Variants in PI4KA observed in about 807,000 individuals in gnomAD.
The protein encoded by PI4KA is phosphatidylinositol 4-kinase alpha, also known as PI4-kinase alpha.
PI4KA carries 122 observed loss-of-function variants against 271.4 expected under a neutral mutation model. The observed-to-expected ratio is 0.45, with a 90% CI of 0.39 to 0.52. The LOEUF (loss-of-function observed/expected upper bound fraction) is 0.52, where lower values mean the gene tolerates loss of function less well. PI4KA is among the 20% of genes least tolerant of loss of function. The pLI is 0.00. For synonymous variants in PI4KA, 1,041 were observed against 1,078.8 expected, an observed-to-expected ratio of 0.96 and a Z score of 0.69; for missense variants, 1,969 against 2,769.1, an observed-to-expected ratio of 0.71 and a Z score of 6.48.
chr22:20,779,601 G>C, intron 19 of PI4KA: 1 of 1,614,108 alleles, frequency 6.2e-7, no homozygotes, highest in Non-Finnish European at 8.5e-7. Context: ...CGACATCGTC[G>C]ACAGTCTGTC....
Position 20,803,287 on chromosome 22 carries a change from C to G in PI4KA, c.1495G>C (p.Val499Leu). 1.2e-6 allele frequency: 2 copies of G among 1,614,136 alleles called. No homozygotes were observed. The highest frequency in any genetic ancestry group is 8.5e-7 in the Non-Finnish European group (1 of 1,179,976). ...LGRLCERFPV[V>L]VHSVTPSLRD... ...AAGGACGGTGTCACAGAGTGCACCACCACCGGGAACCTCTCGCACAGGCGG... is the reference window on the plus strand; with the variant it reads ...AAGGACGGTGTCACAGAGTGCACCAGCACCGGGAACCTCTCGCACAGGCGG... Residue 499 changes from valine (V) to leucine (L), a missense_variant, in exon 13 of 55, where the codon GTG (valine) becomes CTG (leucine). Physicochemically the swap from Val to Leu is conservative, Grantham distance 32. Around this residue, in one of 13 missense-constraint regions of PI4KA, gnomAD observed 228 missense variants for 261.6 expected, o/e 0.87. Coordinates refer to ENST00000255882, the MANE Select transcript of PI4KA (RefSeq NM_058004.4).
intron 8 of PI4KA, 54 bp downstream of exon 8, chr22:20,813,304 T>G (rs1921306065): frequency 7.3e-7 from 1 of 1,367,378 alleles, no homozygotes; most frequent in South Asian, 1.2e-5. Context: ...GTTTCACCAC[T>G]AGCAATTTTA....
intron 25 of PI4KA, among the ~76,000 whole-genome samples, chr22:20,752,691 G>A (rs951766878): frequency 2.0e-5 from 3 of 152,100 alleles, no homozygotes; most frequent in African/African-American, 4.8e-5. Context: ...AAGTAACATC[G>A]ATAGCTCAGA....
Position 20,805,089 on chromosome 22 carries a change from C to G in PI4KA, c.1245G>C (p.Gln415His). Residue 415 changes from glutamine to histidine, a missense_variant, in exon 11 of 55, where the codon CAG (glutamine) becomes CAC (histidine). Physicochemically the swap from Gln to His is conservative, Grantham distance 24. Transcript: ENST00000255882. Reference sequence around the variant, plus strand: ...TCCGGTCTGCGTCATGTAGAATCTTCTGGAGCTCCCCCTGGCTCGTGTTGA... The same window carrying G: ...TCCGGTCTGCGTCATGTAGAATCTTGTGGAGCTCCCCCTGGCTCGTGTTGA... ...EQFNTSQGELQKILHDADRIH... is the reference protein window; with the variant it reads ...EQFNTSQGELHKILHDADRIH... 1 of 1,614,176 alleles carries G rather than the reference C, an allele frequency of 6.2e-7. No individual in the cohort carries two copies. The highest frequency in any genetic ancestry group is 8.5e-7 in the Non-Finnish European group (1 of 1,179,992).
At chr22:20,749,183 T>C (rs1239443123) in intron 28 of PI4KA, among the ~76,000 whole-genome samples, 1 of 152,214 alleles carries the variant, frequency 6.6e-6, no homozygotes, top group Non-Finnish European at 1.5e-5. Context: ...CTCAGGGCTC[T>C]TGGAGCTGGC....
rs769380539 is a variant in PI4KA, at chr22:20,807,400, A to G, written c.1130T>C (p.Met377Thr). 1.6e-5 allele frequency: 26 copies of G among 1,613,460 alleles called. No homozygotes were observed. The highest frequency in any genetic ancestry group is 4.0e-5 in the African/African-American group (3 of 74,900). Residue 377 changes from methionine (M) to threonine (T), a missense_variant, in exon 10 of 55, where the codon ATG (methionine) becomes ACG (threonine). Transcript: ENST00000255882. ...TSFSDPLYLT[M>T]FKMLRDTLYY... is the part of the protein sequence containing the mutation. ...CAGAGTGTCACGCAGCATCTTGAACATGGTCAGGTAGAGAGGGTCACTGAA... is the reference window on the plus strand; with the variant it reads ...CAGAGTGTCACGCAGCATCTTGAACGTGGTCAGGTAGAGAGGGTCACTGAA...
chr22:20,825,857 T>A (rs759509687), intron 3 of PI4KA, among the ~76,000 whole-genome samples: 4 of 152,142 alleles, frequency 2.6e-5, no homozygotes, highest in African/African-American at 4.8e-5. Context: ...ACCCAGAAAG[T>A]AGTTTTCCCA....
rs931517583 is a variant in PI4KA at position 20,768,235 on chromosome 22, G to A, written c.2329-2542C>T. 4.6e-5 allele frequency among the ~76,000 whole-genome samples: 7 copies of A among 151,936 alleles called. No individual in the cohort carries two copies. The South Asian group carries it at 1.2e-3, about 27-fold the overall frequency. Reference sequence around the variant, plus strand: ...TTTTCATACAAACAGACACCTTACTGACTTTTTACATTTTTTTGTAGAGAA... The same window carrying A: ...TTTTCATACAAACAGACACCTTACTAACTTTTTACATTTTTTTGTAGAGAA... On this transcript the variant is annotated intron_variant, in intron 19 of 54. Coordinates refer to ENST00000255882, the MANE Select transcript of PI4KA (RefSeq NM_058004.4).
chr22:20,733,187 A>G (rs1928278141), intron 35 of PI4KA, 89 bp from the exon 36 acceptor site: 2 of 1,459,320 alleles, frequency 1.4e-6, no homozygotes, highest in African/African-American at 2.8e-5. Flanking sequence ...GGTGATGCAG[A>G]CAGTTTCTTA....
chr22:20,764,413 G>A lies in PI4KA; in HGVS notation c.2708+404C>T, dbSNP rs548620707. Among the ~76,000 whole-genome samples, 510 of 152,222 alleles carry A rather than the reference G, an allele frequency of 3.4e-3. 1 individual carries two copies. The highest frequency in any genetic ancestry group is 4.5e-3 in the Non-Finnish European group (309 of 68,026). On this transcript the variant is annotated intron_variant, in intron 22 of 54. Transcript: ENST00000255882. ...CCACATGCAGGACTGTTTTGGAGCC[G>A]GCCCCACCCCATGTCGCATTTGCTG... is the stretch of plus-strand genomic sequence containing the variant.
rs763087074 is a variant in PI4KA, at chr22:20,770,534, A to AAG, written c.2329-4842_2329-4841insCT. ...GTCTCAAAAAAAAAAAAAAAAAAAG[A>AAG]GAGAGAGAGAGATCGGTTTTGCTAT... On this transcript the variant is annotated intron_variant, in intron 19 of 54. Coordinates refer to ENST00000255882, the MANE Select transcript of PI4KA (RefSeq NM_058004.4). 7.5e-3 allele frequency among the ~76,000 whole-genome samples: 574 copies of AAG among 76,750 alleles called. 160 individuals are homozygous for AAG. The highest frequency in any genetic ancestry group is 0.027 in the African/African-American group (480 of 17,832). The allele number at this position is 76,750 out of a possible 152,430, so 50.4% of individuals were successfully genotyped here.
intron 19 of PI4KA, chr22:20,786,983 C>T (rs552213670): frequency 3.7e-6 from 6 of 1,614,064 alleles, no homozygotes; most frequent in South Asian, 1.1e-5. Flanking sequence ...CACTGTCGAC[C>T]GCCCCTTTCT....
intron 3 of PI4KA, among the ~76,000 whole-genome samples, chr22:20,825,413 G>A (rs1271582371): frequency 6.6e-6 from 1 of 152,136 alleles, no homozygotes; most frequent in African/African-American, 2.4e-5. Context: ...CAGCCAACAT[G>A]GCAAAATACT....
chr22:20,708,486 C>G (rs1351841446), intron 54 of PI4KA, among the ~76,000 whole-genome samples: 1 of 148,854 alleles, frequency 6.7e-6, no homozygotes, highest in Admixed American at 6.7e-5. Flanking sequence ...TGCTTCCTAT[C>G]AGCAAGAGCT....
intron 9 of PI4KA, among the ~76,000 whole-genome samples, chr22:20,809,434 T>TA (rs1181544014): frequency 2.0e-5 from 3 of 151,798 alleles, no homozygotes; most frequent in Non-Finnish European, 4.4e-5. Context: ...CAAGAAACTT[T>TA]TTTTTTTTTA....
At chr22:20,726,028 G>A (rs905777168) in intron 42 of PI4KA, among the ~76,000 whole-genome samples, 1 of 151,834 alleles carries the variant, frequency 6.6e-6, no homozygotes, top group South Asian at 2.1e-4. Context: ...TGTTTGTTTT[G>A]TTTTTTGGCC....
At chr22:20,754,687 C>T (rs1354085058) in intron 23 of PI4KA, among the ~76,000 whole-genome samples, 1 of 152,174 alleles carries the variant, frequency 6.6e-6, no homozygotes, top group Admixed American at 6.6e-5. Flanking sequence ...TGGTGGCTCA[C>T]GCCCATAATC....
At chr22:20,838,949 G>A (rs1190127858) in intron 1 of PI4KA, among the ~76,000 whole-genome samples, 1 of 152,164 alleles carries the variant, frequency 6.6e-6, no homozygotes, top group Non-Finnish European at 1.5e-5. Context: ...AGGTGCAGTG[G>A]CTCACACCTG....
intron 3 of PI4KA, 97 bp downstream of exon 3, chr22:20,834,465 T>A: frequency 1.3e-6 from 1 of 771,516 alleles, no homozygotes; most frequent in Non-Finnish European, 2.3e-6. Context: ...GGAGACAAGA[T>A]GCATCTGATG....
Sources: gnomAD v4.1 joint callset for allele counts (sites outside exome capture counted in the v4.1 genomes callset) on GRCh38, gnomAD v4.1.1 for gene constraint, gnomAD v4.1.1 regional missense constraint, MANE v1.5 for transcripts, NCBI Gene and HGNC (gene_info 2026-07-23, HGNC 2026-07-21) for gene names.